Variants in MAPK10 observed in about 807,000 individuals in gnomAD.
The protein encoded by MAPK10 is mitogen-activated protein kinase 10.
In MAPK10, 25 loss-of-function variants were observed where a neutral mutation model predicts 59.3. The observed-to-expected ratio is 0.42, with a 90% CI of 0.31 to 0.59. The LOEUF (loss-of-function observed/expected upper bound fraction) is 0.59. Among genes scored for constraint, MAPK10 ranks in the 20% least tolerant of loss-of-function variants. The pLI is 0.15. For synonymous variants in MAPK10, 190 were observed against 200.5 expected (o/e 0.95, Z 0.44); for missense variants, 351 against 568.9 (o/e 0.62, Z 3.90).
intron 4 of MAPK10, among the ~76,000 whole-genome samples, chr4:86,153,095 A>C (rs10024003): frequency 0.81 from 122,732 of 152,144 alleles, 49,701 homozygotes; most frequent in East Asian, 0.89. Context: ...ACTGACTTTA[A>C]TTCCACAATG....
intron 3 of MAPK10, among the ~76,000 whole-genome samples, chr4:86,187,329 G>A (rs2078488350): frequency 6.6e-6 from 1 of 152,144 alleles, no homozygotes; most frequent in Non-Finnish European, 1.5e-5. Flanking sequence ...TACCACAACA[G>A]TCAATCTGAT....
intron 1 of MAPK10, among the ~76,000 whole-genome samples, chr4:86,534,686 ACC>A (rs1171825924): frequency 6.6e-6 from 1 of 152,044 alleles, no homozygotes; most frequent in African/African-American, 2.4e-5. Context: ...CAGGCCCATC[ACC>A]TGAGGTCAGG....
At chr4:86,300,903 A>C (rs565549228) in intron 2 of MAPK10, 2 of 151,886 alleles carry the variant, frequency 1.3e-5, no homozygotes, top group East Asian at 1.9e-4. Flanking sequence ...AAAAAAAAAA[A>C]AAAACAACAA....
chr4:86,070,796 G>A (rs998371051), intron 9 of MAPK10, among the ~76,000 whole-genome samples: 8 of 151,690 alleles, frequency 5.3e-5, no homozygotes, highest in Admixed American at 5.2e-4. Flanking sequence ...TATCATTGTT[G>A]GACATTTGGG....
At chr4:86,535,640 C>CT (rs149782020) in intron 1 of MAPK10, among the ~76,000 whole-genome samples, 48 of 152,032 alleles carry the variant, frequency 3.2e-4, no homozygotes, top group Non-Finnish European at 5.3e-4. Context: ...AATGAGTGTA[C>CT]TTTTTTTTGT....
intron 1 of MAPK10, among the ~76,000 whole-genome samples, chr4:86,427,418 T>C (rs1747444443): frequency 6.6e-6 from 1 of 152,132 alleles, no homozygotes. Flanking sequence ...CTGACTACCA[T>C]AGTTTCCCCA....
chr4:86,143,631 G>T (rs2064133588), intron 4 of MAPK10, among the ~76,000 whole-genome samples: 1 of 152,206 alleles, frequency 6.6e-6, no homozygotes, highest in East Asian at 1.9e-4. Context: ...TGGAAAGAGA[G>T]TGAGGACCAT....
At chr4:86,265,697 A>C (rs1330033574) in intron 2 of MAPK10, among the ~76,000 whole-genome samples, 1 of 152,142 alleles carries the variant, frequency 6.6e-6, no homozygotes, top group Non-Finnish European at 1.5e-5. Context: ...GATGTAAAGG[A>C]TAGGAAAATG....
At chr4:86,490,742 C>T (rs1345809607) in intron 1 of MAPK10, among the ~76,000 whole-genome samples, 1 of 152,150 alleles carries the variant, frequency 6.6e-6, no homozygotes, top group African/African-American at 2.4e-5. Flanking sequence ...AATTCATATG[C>T]TCAAATGAAA....
At chr4:86,287,016 T>A (rs1005341779) in intron 2 of MAPK10, among the ~76,000 whole-genome samples, 2 of 152,142 alleles carry the variant, frequency 1.3e-5, no homozygotes, top group South Asian at 4.1e-4. Flanking sequence ...TTAAGCTGCA[T>A]TCAAGAAAAA....
chr4:86,043,829 C>T (rs763002064), intron 11 of MAPK10, among the ~76,000 whole-genome samples: 1 of 152,096 alleles, frequency 6.6e-6, no homozygotes, highest in Non-Finnish European at 1.5e-5. Flanking sequence ...AGTGGATTTT[C>T]ATATATTATC....
Position 86,275,063 on chromosome 4 carries a change from T to G in MAPK10, c.-7+79467A>C, listed in dbSNP as rs575363077. Among the ~76,000 whole-genome samples the G allele has an allele frequency of 9.9e-5, 15 of 152,094 alleles. No homozygotes were observed. The South Asian group carries it at 3.1e-3, about 32-fold the overall frequency. ...CTGTTGTCACTACCAAAATAAAGGA[T>G]CTTGATTAAAATAAAGAAAATTAAA... On this transcript the variant is annotated intron_variant, in intron 2 of 13. Coordinates refer to ENST00000641462, the MANE Select transcript of MAPK10 (RefSeq NM_138982.4).
chr4:86,581,309 C>T (rs955845394), intron 1 of MAPK10, among the ~76,000 whole-genome samples: 3 of 149,866 alleles, frequency 2.0e-5, no homozygotes, highest in African/African-American at 7.3e-5. Context: ...TTCCCTAAAA[C>T]AGGAAGAGAA....
chr4:86,210,374 G>C (rs115446193), intron 2 of MAPK10, among the ~76,000 whole-genome samples: 12,906 of 149,276 alleles, frequency 0.086, 1,217 homozygotes, highest in African/African-American at 0.23. Context: ...AACTATCTAT[G>C]TGACAAAGTA....
At chr4:86,482,278 G>A (rs62308400) in intron 1 of MAPK10, among the ~76,000 whole-genome samples, 1,579 of 152,214 alleles carry the variant, frequency 0.01, 20 homozygotes, top group Non-Finnish European at 0.014. Context: ...TAGAGCAGTA[G>A]GTGATTATGA....
chr4:86,019,814 T>C (rs1745437652), intron 13 of MAPK10, among the ~76,000 whole-genome samples: 1 of 152,214 alleles, frequency 6.6e-6, no homozygotes, highest in South Asian at 2.1e-4. Context: ...GCTTTTTTCT[T>C]ACTATTTGTC....
chr4:86,152,583 C>T (rs1262712848), intron 4 of MAPK10: 2 of 152,162 alleles, frequency 1.3e-5, no homozygotes, highest in Non-Finnish European at 2.9e-5. Context: ...TTCCTTTGTC[C>T]TCAGCCCCCA....
At chr4:86,088,770 G>A (rs2052479808) in intron 9 of MAPK10, among the ~76,000 whole-genome samples, 1 of 152,146 alleles carries the variant, frequency 6.6e-6, no homozygotes, top group African/African-American at 2.4e-5. Context: ...ATTAGTATTT[G>A]TGGAGGAACA....
rs539111577 is a variant in MAPK10, at chr4:86,423,770, C to CATATATATATATATATATAT, written c.-122+29240_-122+29259dup. On this transcript the variant is annotated intron_variant, in intron 1 of 13. Transcript: ENST00000361569. ...ATAAGTAATTAGTGGGATATATATA[C>CATATATATATATATATATAT]ATATATATATATATATATATATATA... 6.8e-4 allele frequency among the ~76,000 whole-genome samples: 62 copies of CATATATATATATATATATAT among 91,582 alleles called. 1 individual carries two copies. Among genetic ancestry groups the CATATATATATATATATATAT allele is most frequent in the African/African-American group, 2.3e-3 (60 of 25,892 alleles). 60.1% of individuals were successfully genotyped at this position (91,582 alleles called of 152,430 possible).
Sources: gnomAD v4.1 joint callset for allele counts (sites outside exome capture counted in the v4.1 genomes callset) on GRCh38, gnomAD v4.1.1 for gene constraint, MANE v1.5 for transcripts, NCBI Gene and HGNC (gene_info 2026-07-23, HGNC 2026-07-21) for gene names.